Variants in MALRD1 observed in about 807,000 individuals in gnomAD.
MALRD1 encodes the protein MAM and LDL receptor class A domain containing 1.
In MALRD1, 247 loss-of-function variants were observed where a neutral mutation model predicts 242.1. The ratio of observed to expected loss-of-function variants is 1.02; its 90% CI spans 0.92 to 1.13. MALRD1 has a LOEUF of 1.13. MALRD1 is among the 50% of genes most tolerant of loss of function. The pLI is 0.00. For missense variants in MALRD1, 2,989 were observed against 2,533.1 expected, an observed-to-expected ratio of 1.18 and a Z score of -3.86; for synonymous variants, 995 against 866.6, an observed-to-expected ratio of 1.15 and a Z score of -2.60.
At chr10:19,669,298 C>A (rs1381944249) in intron 36 of MALRD1, among the ~76,000 whole-genome samples, 2 of 152,148 alleles carry the variant, frequency 1.3e-5, no homozygotes, top group Non-Finnish European at 2.9e-5. Context: ...TAAAAATGGA[C>A]TATGAACATA....
At chr10:19,372,303 A>C (rs1296992995) in intron 26 of MALRD1, among the ~76,000 whole-genome samples, 1 of 152,152 alleles carries the variant, frequency 6.6e-6, no homozygotes, top group African/African-American at 2.4e-5. Flanking sequence ...CTATATCCTT[A>C]TCTCTCATAG....
At chr10:19,308,475 T>C (rs1157165300) in intron 21 of MALRD1, among the ~76,000 whole-genome samples, 1 of 151,546 alleles carries the variant, frequency 6.6e-6, no homozygotes, top group East Asian at 1.9e-4. Flanking sequence ...TTAGCAGAAG[T>C]GGACAGAGTG....
intron 29 of MALRD1, among the ~76,000 whole-genome samples, chr10:19,484,312 T>G (rs1837148707): frequency 6.6e-6 from 1 of 152,234 alleles, no homozygotes; most frequent in Admixed American, 6.5e-5. Flanking sequence ...GTTTTCTAGC[T>G]ACTAAAATGC....
At chr10:19,275,617 G>C (rs181613035) in intron 19 of MALRD1, among the ~76,000 whole-genome samples, 18,734 of 151,974 alleles carry the variant, frequency 0.12, 1,583 homozygotes, top group East Asian at 0.31. Flanking sequence ...TGCAGTGAGT[G>C]GAGATCGCGA....
intron 38 of MALRD1, among the ~76,000 whole-genome samples, chr10:19,727,010 A>G (rs2131927608): frequency 6.6e-6 from 1 of 152,340 alleles, no homozygotes; most frequent in East Asian, 1.9e-4. Flanking sequence ...TTTTGGAAAT[A>G]GTGGTAATGG....
At position 19,172,380 on chromosome 10, in the gene MALRD1, A is replaced by G. The variant is rs532487697; in HGVS notation, c.1831-2828A>G. The stretch of plus-strand genomic sequence containing the variant: ...TATGATTTTAATTAATGGTAGAATT[A>G]CAATTTCTAATTGTATAATTATGAA... On this transcript the variant is annotated intron_variant, in intron 13 of 39. Transcript: ENST00000454679. 1.6e-4 allele frequency among the ~76,000 whole-genome samples: 24 copies of G among 151,872 alleles called. No homozygotes were observed. The South Asian group carries it at 5.0e-3, about 31-fold the overall frequency.
chr10:19,088,884 A>C (rs1293895088), intron 4 of MALRD1, among the ~76,000 whole-genome samples: 3 of 20,286 alleles, frequency 1.5e-4, no homozygotes, highest in African/African-American at 5.0e-4. Context: ...ATGGTTTCCA[A>C]TTTCATCCAT....
At chr10:19,580,120 A>G (rs1056627342) in intron 33 of MALRD1, among the ~76,000 whole-genome samples, 1 of 152,152 alleles carries the variant, frequency 6.6e-6, no homozygotes, top group Admixed American at 6.5e-5. Context: ...TTATGGCAGG[A>G]AAAAAATGGC....
chr10:19,291,563 T>C (rs1841428485), intron 21 of MALRD1: 1 of 151,650 alleles, frequency 6.6e-6, no homozygotes, highest in Non-Finnish European at 1.5e-5. Flanking sequence ...AAAAAATTCA[T>C]GGAATGGAGT....
chr10:19,244,572 CA>C (rs921868612), intron 18 of MALRD1, among the ~76,000 whole-genome samples: 1 of 150,052 alleles, frequency 6.7e-6, no homozygotes, highest in African/African-American at 2.5e-5. Flanking sequence ...TTCAAAAAAA[CA>C]AAAAAAATCT....
chr10:19,690,168 A>G (rs1002903825), intron 36 of MALRD1, among the ~76,000 whole-genome samples: 57 of 152,110 alleles, frequency 3.7e-4, no homozygotes, highest in African/African-American at 1.4e-3. Context: ...CGGATAAATC[A>G]TACTTATTAA....
chr10:19,080,543 G>A (rs1237356010), intron 2 of MALRD1, among the ~76,000 whole-genome samples: 1 of 152,068 alleles, frequency 6.6e-6, no homozygotes, highest in Non-Finnish European at 1.5e-5. Flanking sequence ...AACAAATGGT[G>A]CTGGGAGAAC....
rs1343528369 is a variant in MALRD1, at chr10:19,146,235, C to T, written c.1449C>T (p.Cys483=). ...CCTGTGACTTTGAGTCGGGTTTCTG[C>T]GGTTGGGAGCCATTTCTCACAGAAG... The part of the protein sequence containing the change: ...HLTCDFESGF[C]GWEPFLTEDS... Residue 483 remains cysteine, a synonymous_variant, in exon 11 of 40, where the codon TGC becomes TGT. Coordinates refer to ENST00000454679, the MANE Select transcript of MALRD1 (RefSeq NM_001142308.3). The T allele has an allele frequency of 4.9e-6, 6 of 1,231,524 alleles. No homozygotes were observed. Among genetic ancestry groups the T allele is most frequent in the African/African-American group, 3.1e-5 (2 of 64,478 alleles). The allele number at this position is 1,231,524 out of a possible 1,614,324, so 76.3% of individuals were successfully genotyped here. A position where few individuals can be genotyped will look rare whatever the true frequency, so the allele number is the denominator to read the frequency against.
chr10:19,065,127 A>G (rs1834932337), intron 1 of MALRD1, among the ~76,000 whole-genome samples: 1 of 151,654 alleles, frequency 6.6e-6, no homozygotes, highest in African/African-American at 2.4e-5. Context: ...GTCTCTACTA[A>G]AAATACAAAA....
intron 33 of MALRD1, among the ~76,000 whole-genome samples, chr10:19,592,894 TA>T (rs1331948890): frequency 2.6e-5 from 4 of 151,952 alleles, no homozygotes; most frequent in Non-Finnish European, 5.9e-5. Flanking sequence ...AGCTAAGTCA[TA>T]GATGTATTAC....
intron 26 of MALRD1, among the ~76,000 whole-genome samples, chr10:19,385,131 A>T (rs922011856): frequency 2.0e-5 from 3 of 151,916 alleles, no homozygotes; most frequent in African/African-American, 7.2e-5. Flanking sequence ...ATGATGTATG[A>T]TCCTCTTAAA....
At chr10:19,536,534 G>C (rs1032683618) in intron 32 of MALRD1, among the ~76,000 whole-genome samples, 2 of 151,542 alleles carry the variant, frequency 1.3e-5, no homozygotes, top group African/African-American at 4.8e-5. Flanking sequence ...CATCTCTTTC[G>C]TAGCCCTTGT....
chr10:19,524,248 G>A (rs531684631), intron 31 of MALRD1, among the ~76,000 whole-genome samples: 7 of 152,220 alleles, frequency 4.6e-5, no homozygotes, highest in Admixed American at 3.9e-4. Context: ...AGGCCAAGGT[G>A]GTGGATCACC....
chr10:19,200,618 C>CT (rs907556471), intron 14 of MALRD1, among the ~76,000 whole-genome samples: 4 of 91,778 alleles, frequency 4.4e-5, no homozygotes, highest in East Asian at 3.7e-4. Flanking sequence ...TGATTCTGGG[C>CT]TTTTTTTTTC....
Sources: allele counts gnomAD v4.1 joint callset (sites outside exome capture counted in the v4.1 genomes callset), GRCh38; gene constraint gnomAD v4.1.1; transcripts MANE v1.5; gene names NCBI Gene and HGNC (gene_info 2026-07-23, HGNC 2026-07-21).